The following DPYD variants were observed in gnomAD, a reference collection of about 807,000 sequenced individuals.
DPYD encodes dihydropyrimidine dehydrogenase [NADP(+)].
DPYD carries 109 observed loss-of-function variants against 116.2 expected under a neutral mutation model. That is an observed-to-expected ratio of 0.94 (90% CI 0.80 to 1.10). The LOEUF is 1.10. Among genes scored for constraint, DPYD ranks in the 50% least tolerant of loss-of-function variants. DPYD has a pLI of 0.00. For synonymous variants in DPYD, 440 were observed against 432.0 expected, an observed-to-expected ratio of 1.02 and a Z score of -0.23; for missense variants, 1,302 against 1,254.5, an observed-to-expected ratio of 1.04 and a Z score of -0.57.
intron 18 of DPYD, among the ~76,000 whole-genome samples, chr1:97,250,878 C>T (rs1295033833): frequency 6.6e-6 from 1 of 152,036 alleles, no homozygotes; most frequent in Non-Finnish European, 1.5e-5. Context: ...ATTTTGAAAG[C>T]TAACTTATCT....
chr1:97,892,825 C>T (rs1371718091), intron 1 of DPYD, among the ~76,000 whole-genome samples: 2 of 151,716 alleles, frequency 1.3e-5, no homozygotes, highest in African/African-American at 2.4e-5. Context: ...TCTGATAGTC[C>T]TAAATCTTAC....
At chr1:97,150,907 T>G (rs1015905439) in intron 20 of DPYD, among the ~76,000 whole-genome samples, 2 of 152,214 alleles carry the variant, frequency 1.3e-5, no homozygotes, top group African/African-American at 4.8e-5. Context: ...ATGTTTTTCA[T>G]TGCAATATTC....
intron 20 of DPYD, among the ~76,000 whole-genome samples, chr1:97,156,256 C>T (rs938324961): frequency 6.6e-6 from 1 of 152,012 alleles, no homozygotes; most frequent in Non-Finnish European, 1.5e-5. Context: ...CCTTCTTTAG[C>T]CTCCAGGGTT....
chr1:97,242,239 T>A (rs1662424912), intron 18 of DPYD, among the ~76,000 whole-genome samples: 1 of 146,860 alleles, frequency 6.8e-6, no homozygotes, highest in South Asian at 2.1e-4. Flanking sequence ...TACAACAATG[T>A]TCCTGGAAGT....
chr1:97,149,899 T>C (rs1322897387), intron 20 of DPYD, among the ~76,000 whole-genome samples: 2 of 152,252 alleles, frequency 1.3e-5, no homozygotes, highest in Non-Finnish European at 2.9e-5. Context: ...ATTTTCACCA[T>C]TTCTGTGTAA....
At chr1:97,492,289 A>C (rs1231481810) in intron 13 of DPYD, among the ~76,000 whole-genome samples, 6 of 152,170 alleles carry the variant, frequency 3.9e-5, no homozygotes, top group Non-Finnish European at 7.4e-5. Flanking sequence ...ACATGCTGCG[A>C]ATAGCAAACT....
intron 1 of DPYD, among the ~76,000 whole-genome samples, chr1:97,916,460 G>A (rs1023590050): frequency 1.3e-5 from 2 of 152,090 alleles, no homozygotes; most frequent in Non-Finnish European, 2.9e-5. Context: ...ATAGTTTGCT[G>A]AGAATGATGG....
intron 20 of DPYD, among the ~76,000 whole-genome samples, chr1:97,166,279 G>T (rs1303653273): frequency 6.6e-6 from 1 of 152,148 alleles, no homozygotes; most frequent in Non-Finnish European, 1.5e-5. Flanking sequence ...ATCATGTCCT[G>T]TGCAGGAACA....
intron 14 of DPYD, among the ~76,000 whole-genome samples, chr1:97,419,335 C>T (rs888000753): frequency 3.9e-5 from 6 of 152,158 alleles, no homozygotes; most frequent in African/African-American, 1.4e-4. Flanking sequence ...TCCTATACCA[C>T]TCAAAAACTC....
intron 16 of DPYD, among the ~76,000 whole-genome samples, chr1:97,308,107 C>A (rs557668550): frequency 6.6e-6 from 1 of 151,768 alleles, no homozygotes; most frequent in African/African-American, 2.4e-5. Flanking sequence ...TATTGACCCC[C>A]ATGCCATAAT....
intron 20 of DPYD, among the ~76,000 whole-genome samples, chr1:97,177,104 C>T (rs1657334503): frequency 6.6e-6 from 1 of 152,028 alleles, no homozygotes; most frequent in Admixed American, 6.6e-5. Flanking sequence ...AATTATCACA[C>T]TATATTATTA....
intron 5 of DPYD, among the ~76,000 whole-genome samples, chr1:97,708,849 C>A (rs899038325): frequency 6.6e-6 from 1 of 151,708 alleles, no homozygotes; most frequent in African/African-American, 2.4e-5. Flanking sequence ...ACATATTATA[C>A]CTATTTCATT....
intron 13 of DPYD, among the ~76,000 whole-genome samples, chr1:97,502,615 A>T (rs186399343): frequency 1.4e-4 from 22 of 152,116 alleles, no homozygotes; most frequent in African/African-American, 5.1e-4. Context: ...GGAATTTAGG[A>T]TAAGAGTAGA....
At chr1:97,309,906 C>T (rs1667398204) in intron 16 of DPYD, among the ~76,000 whole-genome samples, 1 of 151,710 alleles carries the variant, frequency 6.6e-6, no homozygotes. Flanking sequence ...CATCCTGCTG[C>T]TTTTGAGACC....
intron 19 of DPYD, among the ~76,000 whole-genome samples, chr1:97,195,569 CATAT>C (rs1200424384): frequency 0.078 from 2,917 of 37,356 alleles, 396 homozygotes; most frequent in African/African-American, 0.28. Context: ...ACAGAACTCT[CATAT>C]ATATATATAT....
intron 20 of DPYD, among the ~76,000 whole-genome samples, chr1:97,153,538 T>C (rs1655188304): frequency 6.6e-6 from 1 of 152,014 alleles, no homozygotes; most frequent in Non-Finnish European, 1.5e-5. Context: ...CCTGAAGCCA[T>C]ATAAGTTCTA....
At chr1:97,436,526 A>C (rs1236709914) in intron 14 of DPYD, among the ~76,000 whole-genome samples, 1 of 151,964 alleles carries the variant, frequency 6.6e-6, no homozygotes, top group African/African-American at 2.4e-5. Flanking sequence ...ATGTGGAAAG[A>C]CAATATTCTC....
At chr1:97,869,608 C>T (rs1235535659) in intron 2 of DPYD, among the ~76,000 whole-genome samples, 2 of 151,622 alleles carry the variant, frequency 1.3e-5, no homozygotes, top group Non-Finnish European at 3.0e-5. Context: ...TCTTCCATAC[C>T]AGGAGGAGAA....
intron 11 of DPYD, among the ~76,000 whole-genome samples, chr1:97,554,402 G>C (rs1651539058): frequency 6.6e-6 from 1 of 152,110 alleles, no homozygotes; most frequent in African/African-American, 2.4e-5. Context: ...TCTTTGGAGA[G>C]TTTGATGTGT....
Sources: gnomAD v4.1 joint callset for allele counts (sites outside exome capture counted in the v4.1 genomes callset) on GRCh38, gnomAD v4.1.1 for gene constraint, MANE v1.5 for transcripts, NCBI Gene and HGNC (gene_info 2026-07-23, HGNC 2026-07-21) for gene names.